Variants in ZRANB3 observed in about 807,000 individuals in gnomAD.
ZRANB3 encodes DNA annealing helicase and endonuclease ZRANB3.
In ZRANB3, 125 loss-of-function variants were observed where a neutral mutation model predicts 133.8. The observed-to-expected ratio is 0.93, with a 90% CI of 0.81 to 1.08. ZRANB3 has a LOEUF of 1.08. Among genes scored for constraint, ZRANB3 ranks in the 50% least tolerant of loss-of-function variants. The probability of loss-of-function intolerance (pLI) is 0.00; values close to 1 mark genes in which losing one functional copy is unlikely to be tolerated. For missense variants in ZRANB3, 1,229 were observed against 1,275.5 expected, an observed-to-expected ratio of 0.96 and a Z score of 0.56; for synonymous variants, 387 against 432.7, an observed-to-expected ratio of 0.89 and a Z score of 1.31.
intron 2 of ZRANB3, among the ~76,000 whole-genome samples, chr2:135,431,894 G>A (rs1574094423): frequency 1.3e-5 from 2 of 152,052 alleles, no homozygotes; most frequent in South Asian, 2.1e-4. Flanking sequence ...ATAGTTGTAC[G>A]ACATTATGAA....
At chr2:135,203,578 C>T (rs777996583) in intron 19 of ZRANB3, among the ~76,000 whole-genome samples, 1 of 139,568 alleles carries the variant, frequency 7.2e-6, no homozygotes, top group Non-Finnish European at 1.5e-5. Flanking sequence ...GAGATTGCAC[C>T]ACTGCACTCC....
At chr2:135,378,863 C>T (rs533766878) in intron 3 of ZRANB3, among the ~76,000 whole-genome samples, 117 of 152,210 alleles carry the variant, frequency 7.7e-4, no homozygotes, top group African/African-American at 2.6e-3. Context: ...TCTTCAAAAA[C>T]AAACAGTGTG....
At chr2:135,323,010 CAA>C (rs869176974) in intron 6 of ZRANB3, among the ~76,000 whole-genome samples, 1 of 140,314 alleles carries the variant, frequency 7.1e-6, no homozygotes, top group African/African-American at 2.8e-5. Flanking sequence ...AACTCTGTCT[CAA>C]AAAAAAAAAT....
At chr2:135,398,247 T>C (rs1438791153) in intron 2 of ZRANB3, among the ~76,000 whole-genome samples, 1 of 151,744 alleles carries the variant, frequency 6.6e-6, no homozygotes, top group African/African-American at 2.4e-5. Flanking sequence ...TTTGTTTTTT[T>C]AGTAGAGACG....
chr2:135,461,719 C>G (rs1287821637), intron 2 of ZRANB3, among the ~76,000 whole-genome samples: 3 of 152,130 alleles, frequency 2.0e-5, no homozygotes, highest in African/African-American at 7.2e-5. Context: ...CTCTACGTAG[C>G]ATCGTAGGCA....
chr2:135,486,481 A>G (rs1016316939), intron 2 of ZRANB3, among the ~76,000 whole-genome samples: 1 of 150,330 alleles, frequency 6.7e-6, no homozygotes, highest in Admixed American at 6.6e-5. Flanking sequence ...TGCTATTTCC[A>G]CCACATCTGC....
At chr2:135,283,938 C>T (rs1370492739) in intron 8 of ZRANB3, among the ~76,000 whole-genome samples, 2 of 150,910 alleles carry the variant, frequency 1.3e-5, no homozygotes, top group Non-Finnish European at 3.0e-5. Flanking sequence ...GCCATGATCA[C>T]ACCACTGCAC....
chr2:135,386,354 G>A (rs895968107), intron 3 of ZRANB3, among the ~76,000 whole-genome samples: 2 of 152,182 alleles, frequency 1.3e-5, no homozygotes, highest in African/African-American at 4.8e-5. Context: ...ACATGCTGGA[G>A]AAAATGTGGA....
intron 8 of ZRANB3, among the ~76,000 whole-genome samples, chr2:135,297,298 C>T (rs1001897824): frequency 1.3e-5 from 2 of 152,212 alleles, no homozygotes; most frequent in Admixed American, 6.5e-5. Context: ...CCCCCAGCCT[C>T]GCTGCCACCT....
chr2:135,338,486 G>A (rs1256132059), intron 6 of ZRANB3, among the ~76,000 whole-genome samples: 2 of 152,238 alleles, frequency 1.3e-5, no homozygotes, highest in African/African-American at 4.8e-5. Context: ...CTTCTATAGA[G>A]AAGTCTCAGA....
intron 2 of ZRANB3, among the ~76,000 whole-genome samples, chr2:135,426,505 GC>G (rs1689074520): frequency 6.6e-6 from 1 of 151,988 alleles, no homozygotes; most frequent in African/African-American, 2.4e-5. Context: ...GATCAAGTAG[GC>G]TTTATCCTTG....
intron 3 of ZRANB3, among the ~76,000 whole-genome samples, chr2:135,375,370 T>A (rs931487012): frequency 6.6e-6 from 1 of 151,868 alleles, no homozygotes; most frequent in Non-Finnish European, 1.5e-5. Context: ...CTGACCAACA[T>A]GGGGAAACCC....
chr2:135,393,481 T>G (rs1298251992), intron 2 of ZRANB3, among the ~76,000 whole-genome samples: 2 of 151,628 alleles, frequency 1.3e-5, no homozygotes, highest in African/African-American at 4.8e-5. Context: ...ACTGAAGGAA[T>G]AGAAAGACTT....
At chr2:135,479,855 G>C (rs1691683546) in intron 2 of ZRANB3, among the ~76,000 whole-genome samples, 1 of 151,972 alleles carries the variant, frequency 6.6e-6, no homozygotes, top group Non-Finnish European at 1.5e-5. Context: ...TAAATTAGAT[G>C]AATCAGGCAG....
At chr2:135,221,206 C>T (rs545311299) in intron 15 of ZRANB3, among the ~76,000 whole-genome samples, 162 of 152,238 alleles carry the variant, frequency 1.1e-3, no homozygotes, top group African/African-American at 3.8e-3. Context: ...CTCAGCTCTA[C>T]TCTGGTTGTG....
At chr2:135,392,051 A>G (rs571111602) in intron 2 of ZRANB3, among the ~76,000 whole-genome samples, 6 of 152,318 alleles carry the variant, frequency 3.9e-5, no homozygotes, top group Non-Finnish European at 7.4e-5. Flanking sequence ...GGTCAGGATC[A>G]TCGGGTGTTC....
At chr2:135,487,285 T>C (rs1010564265) in intron 2 of ZRANB3, among the ~76,000 whole-genome samples, 2 of 152,226 alleles carry the variant, frequency 1.3e-5, no homozygotes, top group Non-Finnish European at 2.9e-5. Context: ...CAGGCTTTGT[T>C]ATTCTACTTA....
intron 2 of ZRANB3, among the ~76,000 whole-genome samples, chr2:135,498,568 G>C (rs141632172): frequency 0.01 from 1,572 of 152,256 alleles, 25 homozygotes; most frequent in African/African-American, 0.036. Context: ...CTTGAAAAAA[G>C]AACAGGATAA....
intron 2 of ZRANB3, among the ~76,000 whole-genome samples, chr2:135,433,327 C>T (rs186198028): frequency 2.3e-3 from 353 of 151,930 alleles, no homozygotes; most frequent in African/African-American, 6.1e-3. Flanking sequence ...GTTGATGCTG[C>T]GGTGAACCGT....
Sources: allele counts gnomAD v4.1 joint callset (sites outside exome capture counted in the v4.1 genomes callset), GRCh38; gene constraint gnomAD v4.1.1; transcripts MANE v1.5; gene names NCBI Gene and HGNC (gene_info 2026-07-23, HGNC 2026-07-21).